Variants in FBXO21 observed in about 807,000 individuals in gnomAD.
FBXO21 encodes F-box protein 21, also known as F-box only protein 21.
In FBXO21, 32 loss-of-function variants were observed where a neutral mutation model predicts 76.6. The observed-to-expected ratio is 0.42, with a 90% confidence interval of 0.32 to 0.56. FBXO21 has a LOEUF of 0.56. Ranked by LOEUF, FBXO21 falls within the 20% of genes least tolerant of loss-of-function variation. The pLI is 0.16. For missense variants in FBXO21, 586 were observed against 797.3 expected, an observed-to-expected ratio of 0.73 and a Z score of 3.19; for synonymous variants, 328 against 311.5, an observed-to-expected ratio of 1.05 and a Z score of -0.56.
chr12:117,163,740 C>T (rs1467159653), intron 9 of FBXO21, among the ~76,000 whole-genome samples: 1 of 151,156 alleles, frequency 6.6e-6, no homozygotes, highest in Non-Finnish European at 1.5e-5. Context: ...GTCAGGAGTT[C>T]GAGAACAGCC....
intron 3 of FBXO21, among the ~76,000 whole-genome samples, chr12:117,183,779 C>T (rs1290919458): frequency 6.6e-6 from 1 of 152,188 alleles, no homozygotes; most frequent in African/African-American, 2.4e-5. Flanking sequence ...TTAGACTATA[C>T]AAAGTCTCCT....
intron 7 of FBXO21, among the ~76,000 whole-genome samples, chr12:117,167,375 T>G (rs1956064976): frequency 6.6e-6 from 1 of 152,210 alleles, no homozygotes; most frequent in Non-Finnish European, 1.5e-5. Flanking sequence ...ATGGAATGCC[T>G]GAGGCAGTCT....
intron 2 of FBXO21, chr12:117,188,874 T>A (rs1438506467): frequency 4.3e-6 from 1 of 235,240 alleles, no homozygotes; most frequent in African/African-American, 2.2e-5. Context: ...CAGTGTTCAA[T>A]CATTGATGAT....
intron 4 of FBXO21, among the ~76,000 whole-genome samples, chr12:117,175,975 T>C (rs1956169285): frequency 6.6e-6 from 1 of 152,256 alleles, no homozygotes; most frequent in South Asian, 2.1e-4. Context: ...GAAGATAGGA[T>C]GCTTCTCAAC....
At chr12:117,174,622 A>G in intron 5 of FBXO21, 29 bp downstream of exon 5, 1 of 1,608,354 alleles carries the variant, frequency 6.2e-7, no homozygotes, top group Non-Finnish European at 8.5e-7. Flanking sequence ...TCTTTCATAA[A>G]TACAGCTGGA....
intron 4 of FBXO21, 125 bp downstream of exon 4, chr12:117,177,395 C>G: frequency 1.1e-6 from 1 of 900,374 alleles, no homozygotes. Flanking sequence ...CTGCAGAAGC[C>G]CACGCAACAT....
Position 117,142,430 on chromosome 12 carries a change from C to T in FBXO21, c.*3657G>A, listed in dbSNP as rs925783563. The T allele has an allele frequency of 6.6e-6, 1 of 152,292 alleles. No homozygotes were observed. Among genetic ancestry groups the T allele is most frequent in the African/African-American group, 2.4e-5 (1 of 41,430 alleles). 9.4% of individuals were successfully genotyped at this position (152,292 alleles called of 1,614,324 possible). ...TTTTGAGCTAAGAATGTTGTTGACA[C>T]TTTTAAAAACAGAGAACATGTGACA... On this transcript the variant is annotated 3_prime_UTR_variant, in exon 12 of 12. Coordinates refer to ENST00000622495, the MANE Select transcript of FBXO21 (RefSeq NM_015002.3).
Position 117,146,130 on chromosome 12 carries a change from A to T in FBXO21, c.1823T>A (p.Val608Glu). 1 of 1,613,148 alleles carries T rather than the reference A, an allele frequency of 6.2e-7. No homozygotes were observed. The highest frequency in any genetic ancestry group is 8.5e-7 in the Non-Finnish European group (1 of 1,179,690). The change falls in exon 12 of 12, where the codon GTG becomes GAG. Residue 608 changes from valine (V) to glutamate (E), a missense_variant. Around this residue, in one of 6 missense-constraint regions of FBXO21, gnomAD observed 164 missense variants for 236.7 expected, o/e 0.69. Transcript: ENST00000622495. ...TTTCTTTGCACTGTAAATATTCTGCACCGTTTCATAGACAAACTCCAGATC... is the reference window on the plus strand; with the variant it reads ...TTTCTTTGCACTGTAAATATTCTGCTCCGTTTCATAGACAAACTCCAGATC... Reference protein sequence around the residue: ...PEDLEFVYETVQNIYSAKKEN... With the variant: ...PEDLEFVYETEQNIYSAKKEN...
chr12:117,178,569 T>C (rs116305328), intron 3 of FBXO21, among the ~76,000 whole-genome samples: 2,299 of 152,034 alleles, frequency 0.015, 61 homozygotes, highest in African/African-American at 0.053. Context: ...CTCGCCCCAT[T>C]ACCTCTCTGA....
At chr12:117,174,159 C>A (rs1222418530) in intron 6 of FBXO21, 46 bp downstream of exon 6, 3 of 1,486,202 alleles carry the variant, frequency 2.0e-6, no homozygotes, top group Admixed American at 1.7e-5. Flanking sequence ...AAAAAAGTTA[C>A]TATACCTATA....
chr12:117,155,561 G>C (rs1258815848), intron 11 of FBXO21: 1 of 592,568 alleles, frequency 1.7e-6, no homozygotes, highest in Admixed American at 3.0e-5. Flanking sequence ...GGCTGTGGGA[G>C]CGGAGGCCCT....
chr12:117,189,478 C>T (rs1216750563), intron 1 of FBXO21, 116 bp from the exon 2 acceptor site: 3 of 1,046,126 alleles, frequency 2.9e-6, no homozygotes, highest in East Asian at 2.4e-5. Context: ...AGAGGGACCC[C>T]GGCGAGAGAC....
intron 10 of FBXO21, among the ~76,000 whole-genome samples, chr12:117,157,184 GAAA>G (rs890181914): frequency 5.3e-5 from 6 of 112,876 alleles, no homozygotes; most frequent in African/African-American, 1.9e-4. Flanking sequence ...TGTCTCCAAA[GAAA>G]AAAAAAAAAA....
intron 3 of FBXO21, among the ~76,000 whole-genome samples, chr12:117,186,241 T>C (rs964537085): frequency 8.5e-5 from 13 of 152,318 alleles, no homozygotes; most frequent in Admixed American, 2.0e-4. Context: ...ATTTGACCCA[T>C]AGTAGTGCTA....
chr12:117,150,319 T>C (rs1955823130), intron 11 of FBXO21, among the ~76,000 whole-genome samples: 1 of 152,216 alleles, frequency 6.6e-6, no homozygotes, highest in African/African-American at 2.4e-5. Flanking sequence ...AACGTTCAGC[T>C]ACCCCAAAAT....
At chr12:117,178,732 A>G (rs1956200233) in intron 3 of FBXO21, among the ~76,000 whole-genome samples, 1 of 152,030 alleles carries the variant, frequency 6.6e-6, no homozygotes, top group Non-Finnish European at 1.5e-5. Context: ...CCTAGGTTTC[A>G]ACTCAAATGT....
At chr12:117,180,403 A>T (rs1052090917) in intron 3 of FBXO21, among the ~76,000 whole-genome samples, 1 of 152,214 alleles carries the variant, frequency 6.6e-6, no homozygotes, top group African/African-American at 2.4e-5. Context: ...TTTAAATATA[A>T]AATACCTTTT....
intron 4 of FBXO21, among the ~76,000 whole-genome samples, chr12:117,177,103 T>C (rs1956183870): frequency 6.6e-6 from 1 of 152,204 alleles, no homozygotes; most frequent in Non-Finnish European, 1.5e-5. Context: ...GACTCACTGA[T>C]GCCCAAGAAC....
intron 8 of FBXO21, among the ~76,000 whole-genome samples, chr12:117,166,547 A>C (rs1018395307): frequency 3.9e-5 from 6 of 152,244 alleles, no homozygotes; most frequent in Admixed American, 6.5e-5. Context: ...ATTAGACATA[A>C]AACTATTACT....
Sources: gnomAD v4.1 joint callset for allele counts (sites outside exome capture counted in the v4.1 genomes callset) on GRCh38, gnomAD v4.1.1 for gene constraint, gnomAD v4.1.1 regional missense constraint, MANE v1.5 for transcripts, NCBI Gene and HGNC (gene_info 2026-07-23, HGNC 2026-07-21) for gene names.